PRORP: variants seen among roughly 807,000 people sequenced by gnomAD.
The protein encoded by PRORP is protein only RNase P catalytic subunit, also known as mitochondrial ribonuclease P catalytic subunit.
Under a neutral mutation model 59.4 loss-of-function variants are expected in PRORP, and 51 were observed. That is an observed-to-expected ratio of 0.86 (90% CI 0.69 to 1.08). The LOEUF is 1.08. Ranked by LOEUF, PRORP falls within the 50% of genes least tolerant of loss-of-function variation. PRORP has a pLI of 0.00. For missense variants in PRORP, 646 were observed against 690.3 expected (o/e 0.94, Z 0.72); for synonymous variants, 231 against 245.6 (o/e 0.94, Z 0.55).
intron 5 of PRORP, among the ~76,000 whole-genome samples, chr14:35,232,469 A>G (rs764217158): frequency 1.1e-4 from 17 of 152,124 alleles, no homozygotes; most frequent in Non-Finnish European, 1.6e-4. Flanking sequence ...GCCTCAACCC[A>G]TGTAGAAGTT....
intron 5 of PRORP, among the ~76,000 whole-genome samples, chr14:35,247,575 G>C (rs1056417845): frequency 2.6e-5 from 4 of 152,088 alleles, no homozygotes; most frequent in African/African-American, 9.7e-5. Context: ...TCATGAAATG[G>C]AGCCCTTTGA....
At chr14:35,248,286 C>T (rs56346135) in intron 5 of PRORP, among the ~76,000 whole-genome samples, 112 of 152,254 alleles carry the variant, frequency 7.4e-4, no homozygotes, top group Non-Finnish European at 9.7e-4. Context: ...TATAGTGAGT[C>T]AGTCATTAAA....
chr14:35,237,084 T>TTTCCTTCCTTCCTTCCTTC (rs1743169849), intron 5 of PRORP, among the ~76,000 whole-genome samples: 4 of 138,000 alleles, frequency 2.9e-5, no homozygotes, highest in Non-Finnish European at 6.4e-5. Context: ...CCTTCCTTCC[T>TTTCCTTCCTTCCTTCCTTC]TCTCTCTCTC....
intron 5 of PRORP, among the ~76,000 whole-genome samples, chr14:35,252,173 C>T (rs914485854): frequency 1.3e-5 from 2 of 152,070 alleles, no homozygotes; most frequent in Non-Finnish European, 2.9e-5. Flanking sequence ...GCCTGTAATC[C>T]CAACACTTTG....
intron 5 of PRORP, among the ~76,000 whole-genome samples, chr14:35,250,635 G>A (rs989720361): frequency 6.6e-6 from 1 of 152,154 alleles, no homozygotes; most frequent in Non-Finnish European, 1.5e-5. Context: ...TTAAAGGGAG[G>A]GAAGTTGAAC....
intron 5 of PRORP, among the ~76,000 whole-genome samples, chr14:35,207,978 C>T (rs1488670525): frequency 2.6e-5 from 4 of 152,044 alleles, no homozygotes; most frequent in Admixed American, 6.6e-5. Context: ...GGTGAAACCC[C>T]GTCTCTCCTA....
At chr14:35,266,673 C>A in intron 5 of PRORP, 54 bp from the exon 6 acceptor site, 1 of 1,593,192 alleles carries the variant, frequency 6.3e-7, no homozygotes, top group South Asian at 1.1e-5. Flanking sequence ...AATCACTCCA[C>A]TAATTTGAGA....
chr14:35,200,182 T>TTTTGTTTG (rs149290991), intron 5 of PRORP, among the ~76,000 whole-genome samples: 1 of 151,846 alleles, frequency 6.6e-6, no homozygotes, highest in Admixed American at 6.6e-5. Flanking sequence ...ATGCAAAATT[T>TTTTGTTTG]TTTGTTTGTT....
chr14:35,130,030 CT>C (rs1180777805), intron 4 of PRORP, among the ~76,000 whole-genome samples: 3,784 of 129,826 alleles, frequency 0.029, 74 homozygotes, highest in African/African-American at 0.095. Context: ...TTTAGACTTT[CT>C]TTTTTTTTTT....
At chr14:35,245,500 C>A (rs923212598) in intron 5 of PRORP, among the ~76,000 whole-genome samples, 3 of 152,100 alleles carry the variant, frequency 2.0e-5, no homozygotes, top group African/African-American at 7.2e-5. Context: ...AAAAAATTAG[C>A]TAGGTGTTGT....
At chr14:35,121,862 G>A (rs1314422406), upstream of PRORP, 1 of 1,612,232 alleles carries the variant, frequency 6.2e-7, no homozygotes, top group Non-Finnish European at 8.5e-7. Flanking sequence ...AGGAGTTTAG[G>A]GCCGGGCCAT....
Position 35,137,897 on chromosome 14 carries a change from G to A in PRORP, c.1167+10286G>A, listed in dbSNP as rs1007824315. ...GATTCCAGGGACTGGTTGTCTCTTC[G>A]TGCATGTACATGTGTGTGTTGGTTT... On this transcript the variant is annotated intron_variant, in intron 4 of 7. Coordinates refer to ENST00000534898, the MANE Select transcript of PRORP (RefSeq NM_014672.4). Among the ~76,000 whole-genome samples the A allele has an allele frequency of 6.2e-5, 9 of 145,636 alleles. 3 individuals carry two copies. Among genetic ancestry groups the A allele is most frequent in the East Asian group, 4.6e-4 (2 of 4,306 alleles).
At chr14:35,166,162 T>C (rs2048179918) in intron 4 of PRORP, among the ~76,000 whole-genome samples, 1 of 152,234 alleles carries the variant, frequency 6.6e-6, no homozygotes, top group African/African-American at 2.4e-5. Context: ...TCTTTTCTTC[T>C]GCACTGAAGT....
chr14:35,196,301 C>A (rs902469601), intron 5 of PRORP, among the ~76,000 whole-genome samples: 8 of 152,072 alleles, frequency 5.3e-5, no homozygotes, highest in Admixed American at 2.6e-4. Context: ...ATAGTGAGAC[C>A]CCCCTGCCCC....
chr14:35,164,013 T>G (rs958290071), intron 4 of PRORP, among the ~76,000 whole-genome samples: 14 of 152,232 alleles, frequency 9.2e-5, no homozygotes, highest in African/African-American at 3.4e-4. Flanking sequence ...TGAGCACCAT[T>G]TATTGAATAG....
chr14:35,191,659 T>C (rs2048886864), intron 5 of PRORP, among the ~76,000 whole-genome samples: 1 of 152,120 alleles, frequency 6.6e-6, no homozygotes, highest in Non-Finnish European at 1.5e-5. Flanking sequence ...GGTGTGATCA[T>C]GCCACTGCAC....
chr14:35,153,050 T>G (rs12887931), intron 4 of PRORP, among the ~76,000 whole-genome samples: 1 of 151,544 alleles, frequency 6.6e-6, no homozygotes, highest in Non-Finnish European at 1.5e-5. Flanking sequence ...GGCTGGGAGG[T>G]GGAGGTTGTA....
intron 5 of PRORP, chr14:35,219,104 A>G (rs1183598879): frequency 6.6e-6 from 1 of 152,130 alleles, no homozygotes; most frequent in South Asian, 2.1e-4. Context: ...AGTGTTGGCC[A>G]CCTTCATGGC....
chr14:35,161,776 C>G (rs974402199), intron 4 of PRORP, among the ~76,000 whole-genome samples: 8 of 152,134 alleles, frequency 5.3e-5, no homozygotes, highest in African/African-American at 1.9e-4. Flanking sequence ...CTATCTTTAC[C>G]TGAGTTAGAT....
Sources: gnomAD v4.1 joint callset for allele counts (sites outside exome capture counted in the v4.1 genomes callset) on GRCh38, gnomAD v4.1.1 for gene constraint, MANE v1.5 for transcripts, NCBI Gene and HGNC (gene_info 2026-07-23, HGNC 2026-07-21) for gene names.